Variants in RGS8 observed in about 807,000 individuals in gnomAD.
The protein encoded by RGS8 is regulator of G-protein signaling 8.
A neutral mutation model predicts 21.7 loss-of-function variants in RGS8; 8 were observed. That is an observed-to-expected ratio of 0.37 (90% CI 0.22 to 0.66). The LOEUF is 0.66. RGS8 is among the 30% of genes least tolerant of loss of function. RGS8 has a pLI of 0.59. For synonymous variants in RGS8, 80 were observed against 83.6 expected (o/e 0.96, Z 0.24); for missense variants, 157 against 217.9 (o/e 0.72, Z 1.76).
chr1:182,746,752 C>G, the RGS8 span, among the ~76,000 whole-genome samples: 1 of 151,882 alleles, frequency 6.6e-6, no homozygotes, highest in Non-Finnish European at 1.5e-5. Context: ...AAGGAAATTT[C>G]CCAACTTAGG....
intron 5 of RGS8, among the ~76,000 whole-genome samples, chr1:182,653,734 T>C (rs1407797650): frequency 1.3e-5 from 2 of 152,128 alleles, no homozygotes; most frequent in Non-Finnish European, 2.9e-5. Flanking sequence ...GACTTGGGTA[T>C]GTGTAAATGT....
the RGS8 span, among the ~76,000 whole-genome samples, chr1:182,693,409 C>T: frequency 1.3e-5 from 2 of 152,110 alleles, no homozygotes; most frequent in African/African-American, 2.4e-5. Context: ...CAAATCAAAA[C>T]CACAATGAGA....
At chr1:182,662,147 T>C (rs998568921) in intron 5 of RGS8, among the ~76,000 whole-genome samples, 1 of 152,178 alleles carries the variant, frequency 6.6e-6, no homozygotes, top group Non-Finnish European at 1.5e-5. Flanking sequence ...TTTTAAATTC[T>C]AAGGTTTAAA....
chr1:182,692,891 T>G, the RGS8 span, among the ~76,000 whole-genome samples: 1 of 152,188 alleles, frequency 6.6e-6, no homozygotes, highest in Non-Finnish European at 1.5e-5. Context: ...GGATTCCCTA[T>G]TCAGTAAATG....
intron 3 of RGS8, among the ~76,000 whole-genome samples, chr1:182,667,234 T>G (rs1361299609): frequency 6.6e-6 from 1 of 152,138 alleles, no homozygotes; most frequent in Non-Finnish European, 1.5e-5. Flanking sequence ...ATGAAGGTCA[T>G]TAGCTTGGAA....
chr1:182,698,120 C>A, the RGS8 span, among the ~76,000 whole-genome samples: 2 of 152,304 alleles, frequency 1.3e-5, no homozygotes, highest in East Asian at 3.9e-4. Context: ...TTCTCCCTTC[C>A]CCTGCTACCT....
the RGS8 span, among the ~76,000 whole-genome samples, chr1:182,727,564 A>G: frequency 1.3e-5 from 2 of 152,228 alleles, no homozygotes. Context: ...CATAACCTAA[A>G]TGGAATTAGA....
intron 6 of RGS8, 112 bp downstream of exon 7, chr1:182,648,025 G>C: frequency 1.1e-6 from 1 of 925,918 alleles, no homozygotes; most frequent in Non-Finnish European, 1.5e-6. Flanking sequence ...GAGTGATGAG[G>C]CTCAGTTTAG....
At chr1:182,675,681 T>C (rs1038268475), upstream of RGS8, among the ~76,000 whole-genome samples, 2 of 152,162 alleles carry the variant, frequency 1.3e-5, no homozygotes, top group Non-Finnish European at 1.5e-5. Flanking sequence ...GCTTCTTCCC[T>C]AAACCCATTA....
the RGS8 span, among the ~76,000 whole-genome samples, chr1:182,750,876 T>G: frequency 6.6e-6 from 1 of 152,070 alleles, no homozygotes; most frequent in Non-Finnish European, 1.5e-5. Flanking sequence ...CAGCTACAAC[T>G]TAAGGCAGAA....
the RGS8 span, among the ~76,000 whole-genome samples, chr1:182,716,127 T>G: frequency 4.5e-4 from 57 of 126,730 alleles, no homozygotes; most frequent in African/African-American, 1.7e-3. Flanking sequence ...TGTTTTTTGG[T>G]TTTTTTTTTT....
At chr1:182,751,947 A>C in the RGS8 span, among the ~76,000 whole-genome samples, 16 of 152,142 alleles carry the variant, frequency 1.1e-4, no homozygotes, top group African/African-American at 3.6e-4. Flanking sequence ...TCTTCAGGCA[A>C]GGCATTTATT....
the RGS8 span, among the ~76,000 whole-genome samples, chr1:182,746,395 A>T: frequency 6.6e-6 from 1 of 152,184 alleles, no homozygotes; most frequent in African/African-American, 2.4e-5. Context: ...GGTGGGGTGC[A>T]GTGGCTCACT....
At chr1:182,724,917 A>T in the RGS8 span, among the ~76,000 whole-genome samples, 1 of 152,210 alleles carries the variant, frequency 6.6e-6, no homozygotes. Context: ...CATTGATATC[A>T]TTCTGTCACT....
exon 1 of RGS8, chr1:182,671,855 C>T: frequency 1.3e-6 from 2 of 1,534,246 alleles, no homozygotes; most frequent in East Asian, 2.3e-5. Flanking sequence ...ACACCTCCCA[C>T]CACTTGAGCC....
intron 5 of RGS8, among the ~76,000 whole-genome samples, chr1:182,659,035 T>A (rs530168594): frequency 9.8e-5 from 15 of 152,372 alleles, no homozygotes; most frequent in Admixed American, 7.8e-4. Context: ...CAAGATGATT[T>A]ATTATAGTTG....
At chr1:182,700,924 G>T in the RGS8 span, among the ~76,000 whole-genome samples, 5 of 152,314 alleles carry the variant, frequency 3.3e-5, no homozygotes, top group African/African-American at 9.6e-5. Context: ...GGATTCAAGT[G>T]CAAGTTTTCC....
chr1:182,673,082 T>TTTTTA, upstream of RGS8: 2 of 580,688 alleles, frequency 3.4e-6, no homozygotes, highest in South Asian at 2.1e-5. Flanking sequence ...GTCTTCTCGT[T>TTTTTA]ATGCTCTAGG....
At chr1:182,680,339 A>G (rs961624814) in intron 1 of RGS8, among the ~76,000 whole-genome samples, 2 of 152,090 alleles carry the variant, frequency 1.3e-5, no homozygotes, top group African/African-American at 4.8e-5. Context: ...TACACTTTCC[A>G]TAATCATGAG....
Sources: gnomAD v4.1 joint callset for allele counts (sites outside exome capture counted in the v4.1 genomes callset) on GRCh38, gnomAD v4.1.1 for gene constraint, MANE v1.5 for transcripts, NCBI Gene and HGNC (gene_info 2026-07-23, HGNC 2026-07-21) for gene names.